Variants in SPAG5 observed in about 807,000 individuals in gnomAD.
SPAG5 encodes sperm-associated antigen 5.
Under a neutral mutation model 145.4 loss-of-function variants are expected in SPAG5, and 99 were observed. That is an observed-to-expected ratio of 0.68 (90% CI 0.58 to 0.80). The LOEUF is 0.80. Among genes scored for constraint, SPAG5 ranks in the 30% least tolerant of loss-of-function variants. SPAG5 has a pLI of 0.00. For synonymous variants in SPAG5, 477 were observed against 525.4 expected (o/e 0.91, Z 1.26); for missense variants, 1,192 against 1,416.0 (o/e 0.84, Z 2.54).
chr17:28,583,744 CAA>C, intron 14 of SPAG5, 95 bp from the exon 15 acceptor site: 13 of 1,540,252 alleles, frequency 8.4e-6, no homozygotes, highest in South Asian at 6.3e-5. Flanking sequence ...AGGAGAGAAA[CAA>C]GAGGCTCAAC....
chr17:28,596,886 A>G (rs1383301768), intron 2 of SPAG5, among the ~76,000 whole-genome samples: 1 of 151,748 alleles, frequency 6.6e-6, no homozygotes, highest in Admixed American at 6.6e-5. Context: ...CGGGCAGATC[A>G]CCTGAGGTCA....
At position 28,579,844 on chromosome 17, in the gene SPAG5, G is replaced by C. The variant is rs377485132; in HGVS notation, c.2798-7C>G. On this transcript the variant is annotated splice_polypyrimidine_tract_variant and splice_region_variant and intron_variant, in intron 16 of 23. Coordinates refer to ENST00000321765, the MANE Select transcript of SPAG5 (RefSeq NM_006461.4). ...ACAGGAGTTGATTCTGGCTCTAAGA[G>C]AAAAACCAATAATGGGAGAGGGCCC... 8 of 1,613,566 alleles carry C rather than the reference G, an allele frequency of 5.0e-6. No homozygotes were observed. The highest frequency in any genetic ancestry group is 6.8e-6 in the Non-Finnish European group (8 of 1,179,578).
intron 2 of SPAG5, among the ~76,000 whole-genome samples, chr17:28,593,819 G>A (rs192587804): frequency 6.8e-4 from 103 of 152,066 alleles, no homozygotes; most frequent in Admixed American, 6.2e-3. Flanking sequence ...CAAAAAAAAC[G>A]AGTACTTAAG....
intron 2 of SPAG5, among the ~76,000 whole-genome samples, chr17:28,594,557 T>C (rs1038777794): frequency 2.6e-5 from 4 of 152,078 alleles, no homozygotes; most frequent in Non-Finnish European, 4.4e-5. Context: ...ATCGTGACAC[T>C]GCACTCCAGC....
chr17:28,581,860 GT>G (rs1201893449), intron 15 of SPAG5, among the ~76,000 whole-genome samples: 1 of 152,252 alleles, frequency 6.6e-6, no homozygotes, highest in Admixed American at 6.5e-5. Flanking sequence ...TGCCACACAG[GT>G]TGAAGTGCTT....
chr17:28,588,901 C>G (rs2070602800), intron 4 of SPAG5, among the ~76,000 whole-genome samples: 1 of 151,392 alleles, frequency 6.6e-6, no homozygotes, highest in Non-Finnish European at 1.5e-5. Flanking sequence ...AGGCTGGTCT[C>G]AAACTCCTGG....
In SPAG5 at chr17:28,578,453, C is replaced by A; in HGVS notation, c.3274G>T (p.Ala1092Ser). The A allele has an allele frequency of 6.2e-7, 1 of 1,613,914 alleles. No homozygotes were observed. The highest frequency in any genetic ancestry group is 1.1e-5 in the South Asian group (1 of 91,076). Reference protein sequence around the residue: ...AETETKVLQEALAGQLDSNCQ... With the variant: ...AETETKVLQESLAGQLDSNCQ... ...TTGGAGTCCAGCTGGCCTGCCAGGG[C>A]CTCCTGGAGCACTTTGGTCTCTGTC... Residue 1092 changes from alanine (A) to serine (S), a missense_variant, in exon 21 of 24, where the codon GCC (alanine) becomes TCC (serine). Physicochemically the swap from Ala to Ser is moderately conservative, Grantham distance 99. This residue lies in a region of SPAG5 where 709 missense variants were observed against 840.7 expected (regional missense o/e 0.84). Transcript: ENST00000321765.
intron 2 of SPAG5, among the ~76,000 whole-genome samples, chr17:28,593,797 T>C (rs915690759): frequency 6.6e-6 from 1 of 151,804 alleles, no homozygotes; most frequent in Non-Finnish European, 1.5e-5. Flanking sequence ...CAGATGATAA[T>C]CTGAACAACA....
intron 2 of SPAG5, among the ~76,000 whole-genome samples, chr17:28,594,900 C>T (rs1224543611): frequency 2.0e-5 from 3 of 151,530 alleles, no homozygotes; most frequent in African/African-American, 4.9e-5. Flanking sequence ...TTCAAGGTTG[C>T]AATAAGCCAA....
chr17:28,580,810 A>G (rs2070545103), intron 15 of SPAG5: 1 of 152,200 alleles, frequency 6.6e-6, no homozygotes, highest in South Asian at 2.1e-4. Context: ...GAGCATCACA[A>G]AAACATCTAC....
intron 10 of SPAG5, 130 bp downstream of exon 10, chr17:28,584,972 G>T: frequency 1.1e-6 from 1 of 896,842 alleles, no homozygotes. Flanking sequence ...CCATCTTACA[G>T]CTAAGAGACC....
Position 28,579,419 on chromosome 17 carries a change from C to A in SPAG5, c.2951G>T (p.Cys984Phe), listed in dbSNP as rs1396121443. The A allele has an allele frequency of 1.2e-6, 2 of 1,614,036 alleles. No individual in the cohort carries two copies. The highest frequency in any genetic ancestry group is 1.7e-6 in the Non-Finnish European group (2 of 1,180,006). ...SIMTTELQSL[C>F]SLLQESKEEA... ...TTCTTTAGACTCTTGTAGCAGGGAA[C>A]AAAGACTCTGAAGCTCAGTAGTCAT... The change falls in exon 18 of 24, where the codon TGT becomes TTT. Residue 984 changes from cysteine to phenylalanine, a missense_variant. Around this residue, in one of 5 missense-constraint regions of SPAG5, gnomAD observed 709 missense variants for 840.7 expected, o/e 0.84. Transcript: ENST00000321765.
At chr17:28,598,792 C>T in intron 1 of SPAG5, 104 bp downstream of exon 1, 1 of 1,525,260 alleles carries the variant, frequency 6.6e-7, no homozygotes, top group Non-Finnish European at 9.1e-7. Context: ...CTCCACAAGC[C>T]CCCAACCCCG....
At chr17:28,580,527 G>A (rs752020307) in intron 15 of SPAG5, 1 of 152,626 alleles carries the variant, frequency 6.6e-6, no homozygotes, top group Non-Finnish European at 1.5e-5. Context: ...TTGTCATTTG[G>A]TTCACCAATG....
intron 4 of SPAG5, among the ~76,000 whole-genome samples, chr17:28,590,879 A>C (rs1184970299): frequency 6.6e-6 from 1 of 150,610 alleles, no homozygotes; most frequent in Non-Finnish European, 1.5e-5. Context: ...AAAAAAAAAA[A>C]AAAAAAAAAA....
intron 2 of SPAG5, among the ~76,000 whole-genome samples, chr17:28,594,323 C>T (rs1014189617): frequency 1.9e-4 from 29 of 152,208 alleles, no homozygotes; most frequent in Non-Finnish European, 4.3e-4. Context: ...AGACCGGGCG[C>T]AGTGGCTCAC....
At position 28,591,803 on chromosome 17, in the gene SPAG5, A is replaced by G; in HGVS notation, c.1332T>C (p.Ile444=). ...GAAGCTGGCGGGAGAGAACCTCCAGAATGACAAGAGAGCTCAGCAGGTTAT... is the reference window on the plus strand; with the variant it reads ...GAAGCTGGCGGGAGAGAACCTCCAGGATGACAAGAGAGCTCAGCAGGTTAT... ...LEDNLLSSLV[I]LEVLSRQLRD... The change falls in exon 4 of 24, where the codon ATT becomes ATC. Residue 444 remains isoleucine, a synonymous_variant. Transcript: ENST00000321765. 1 of 1,614,158 alleles carries G rather than the reference A, an allele frequency of 6.2e-7. No homozygotes were observed. The highest frequency in any genetic ancestry group is 8.5e-7 in the Non-Finnish European group (1 of 1,180,030).
Position 28,592,869 on chromosome 17 carries a change from A to AT in SPAG5, c.374dup (p.Tyr125Ter), listed in dbSNP as rs1289452596. The change falls in exon 3 of 24, where the codon TAT becomes TAAT. Residue 125 changes from tyrosine to a stop codon, truncating the protein, a stop_gained and frameshift_variant. Transcript: ENST00000321765. LOFTEE classifies it high-confidence loss of function. ...GTACAAGGACGATGGTTTTAACCAT[A>AT]TAATTGCCCAGTGGGTCTACTGCTT... is the stretch of plus-strand genomic sequence containing the variant. ...SEEAVDPLGN[Y>*]MVKTIVLVPS... 1.2e-6 allele frequency: 2 copies of AT among 1,614,104 alleles called. No individual in the cohort carries two copies. The highest frequency in any genetic ancestry group is 1.3e-5 in the African/African-American group (1 of 74,940).
intron 4 of SPAG5, among the ~76,000 whole-genome samples, chr17:28,591,118 TTAAATA>T (rs1205323810): frequency 1.3e-5 from 2 of 152,162 alleles, no homozygotes; most frequent in African/African-American, 4.8e-5. Context: ...TCTTAAAATA[TTAAATA>T]TAGTCTACCA....
Sources: allele counts gnomAD v4.1 joint callset (sites outside exome capture counted in the v4.1 genomes callset), GRCh38; gene constraint gnomAD v4.1.1; regional missense constraint gnomAD v4.1.1; transcripts MANE v1.5; gene names NCBI Gene and HGNC (gene_info 2026-07-23, HGNC 2026-07-21).